Variants in FAM210A observed in about 807,000 individuals in gnomAD.
FAM210A encodes the protein mitochondrial inner membrane scaffold 1.
Under a neutral mutation model 25.3 loss-of-function variants are expected in FAM210A, and 13 were observed. That is an observed-to-expected ratio of 0.51 (90% CI 0.33 to 0.82). FAM210A has a LOEUF of 0.82. Among genes scored for constraint, FAM210A ranks in the 40% least tolerant of loss-of-function variants. FAM210A has a pLI of 0.02. For missense variants in FAM210A, 319 were observed against 323.2 expected (o/e 0.99, Z 0.10); for synonymous variants, 125 against 118.7 (o/e 1.05, Z -0.35).
chr18:13,690,640 T>C (rs545634732), intron 1 of FAM210A, among the ~76,000 whole-genome samples: 20 of 152,274 alleles, frequency 1.3e-4, no homozygotes, highest in East Asian at 3.9e-4. Context: ...CCCAGGCAAA[T>C]AGGGTCTGGA....
chr18:13,704,753 A>G (rs1465272604), intron 1 of FAM210A, among the ~76,000 whole-genome samples: 2 of 152,146 alleles, frequency 1.3e-5, no homozygotes, highest in East Asian at 3.8e-4. Context: ...TATATTCCAA[A>G]ATTGTATTGG....
intron 1 of FAM210A, among the ~76,000 whole-genome samples, chr18:13,713,915 C>T (rs2043840850): frequency 6.6e-6 from 1 of 152,164 alleles, no homozygotes; most frequent in South Asian, 2.1e-4. Flanking sequence ...AAGCATCTCC[C>T]AGTTGCCCAA....
intron 2 of FAM210A, among the ~76,000 whole-genome samples, chr18:13,675,023 C>A (rs1286282801): frequency 7.6e-6 from 1 of 131,424 alleles, no homozygotes. Flanking sequence ...CATTCCTGAG[C>A]CCTGGCTTCT....
rs2043819934 is a variant in FAM210A, at chr18:13,711,379, C to CA, written c.-29+14949dup. Among the ~76,000 whole-genome samples, 5 of 151,686 alleles carry CA rather than the reference C, an allele frequency of 3.3e-5. No individual in the cohort carries two copies. In the South Asian group the frequency reaches 1.1e-3, roughly 32 times the overall value. ...GACAGGCTCAATCTCAAAAATAAAA[C>CA]AAAAACAAACAAAAAACAACCCCCC... On this transcript the variant is annotated intron_variant, in intron 1 of 3. Coordinates refer to ENST00000651643, the MANE Select transcript of FAM210A (RefSeq NM_152352.4).
rs1187410419 is a variant in FAM210A, at chr18:13,692,273, A to C, written c.-28-10168T>G. Among the ~76,000 whole-genome samples the C allele has an allele frequency of 3.3e-5, 5 of 152,086 alleles. 1 individual carries two copies. Among genetic ancestry groups the C allele is most frequent in the South Asian group, 2.1e-4 (1 of 4,820 alleles). ...AGCAAGTCCTTAGAGACCTACAAAG[A>C]GACTTAGACTCCTACACAATAATAA... On this transcript the variant is annotated intron_variant, in intron 1 of 3. Coordinates refer to ENST00000651643, the MANE Select transcript of FAM210A (RefSeq NM_152352.4).
At chr18:13,668,432 C>T (rs193091700) in intron 3 of FAM210A, among the ~76,000 whole-genome samples, 7 of 152,346 alleles carry the variant, frequency 4.6e-5, no homozygotes. Context: ...TTTTCTCTAC[C>T]TATCTCACTC....
intron 1 of FAM210A, among the ~76,000 whole-genome samples, chr18:13,722,212 G>T (rs2043902580): frequency 6.6e-6 from 1 of 151,714 alleles, no homozygotes; most frequent in African/African-American, 2.4e-5. Flanking sequence ...CCCAAGTCAG[G>T]CTGTTCAGAT....
rs1345630904 is a variant in FAM210A at position 13,664,059 on chromosome 18, G to C, written c.*2421C>G. 6.6e-6 allele frequency: 1 copy of C among 152,168 alleles called. No individual in the cohort carries two copies. The highest frequency in any genetic ancestry group is 1.5e-5 in the Non-Finnish European group (1 of 68,022). The allele number at this position is 152,168 out of a possible 1,614,324, so 9.4% of individuals were successfully genotyped here. ...AATACTCCAAACTCAACATATTACA[G>C]GAATCCCTGAAACTTAAGGACTAGG... On this transcript the variant is annotated 3_prime_UTR_variant, in exon 4 of 4. Coordinates refer to ENST00000651643, the MANE Select transcript of FAM210A (RefSeq NM_152352.4).
chr18:13,672,699 TGCCCA>T (rs2043453890), intron 2 of FAM210A, among the ~76,000 whole-genome samples: 1 of 152,208 alleles, frequency 6.6e-6, no homozygotes, highest in Non-Finnish European at 1.5e-5. Flanking sequence ...TGAGCCACAG[TGCCCA>T]GCCAATTACA....
At chr18:13,709,321 C>T (rs1254239325) in intron 1 of FAM210A, among the ~76,000 whole-genome samples, 1 of 152,226 alleles carries the variant, frequency 6.6e-6, no homozygotes, top group East Asian at 1.9e-4. Context: ...GCATCTCTCT[C>T]AGTGTTCTTG....
intron 1 of FAM210A, among the ~76,000 whole-genome samples, chr18:13,709,047 G>C (rs1490062258): frequency 6.6e-6 from 1 of 152,122 alleles, no homozygotes; most frequent in Non-Finnish European, 1.5e-5. Flanking sequence ...TCATATCTCA[G>C]ACTGGCTCTG....
chr18:13,719,726 TAAA>T (rs10617536), intron 1 of FAM210A, among the ~76,000 whole-genome samples: 5 of 150,000 alleles, frequency 3.3e-5, no homozygotes, highest in Non-Finnish European at 3.0e-5. Flanking sequence ...TTACATGAAT[TAAA>T]AAAAAAAAAA....
intron 1 of FAM210A, among the ~76,000 whole-genome samples, chr18:13,695,554 G>A (rs752966600): frequency 3.5e-4 from 53 of 152,164 alleles, no homozygotes; most frequent in Non-Finnish European, 5.7e-4. Context: ...ATGAGTTAAC[G>A]TCCTTTGTAG....
intron 1 of FAM210A, among the ~76,000 whole-genome samples, chr18:13,724,355 C>T (rs2043917976): frequency 6.6e-6 from 1 of 152,194 alleles, no homozygotes; most frequent in Non-Finnish European, 1.5e-5. Flanking sequence ...GATCCCACTA[C>T]TTAACAAGCT....
intron 1 of FAM210A, among the ~76,000 whole-genome samples, chr18:13,687,054 T>C (rs1164344480): frequency 6.6e-6 from 1 of 152,190 alleles, no homozygotes; most frequent in Non-Finnish European, 1.5e-5. Flanking sequence ...CTAAAAACTA[T>C]CATACACCCA....
chr18:13,678,493 T>C (rs1159065971), intron 2 of FAM210A, among the ~76,000 whole-genome samples: 1 of 152,166 alleles, frequency 6.6e-6, no homozygotes, highest in Non-Finnish European at 1.5e-5. Context: ...TTTCTCCATG[T>C]TGGTTAGGCT....
chr18:13,723,399 T>C (rs909840803), intron 1 of FAM210A, among the ~76,000 whole-genome samples: 4 of 152,212 alleles, frequency 2.6e-5, no homozygotes, highest in Non-Finnish European at 2.9e-5. Context: ...AATATCTTCA[T>C]CTACATATAG....
At chr18:13,695,234 G>A (rs1483168770) in intron 1 of FAM210A, among the ~76,000 whole-genome samples, 2 of 152,196 alleles carry the variant, frequency 1.3e-5, no homozygotes, top group African/African-American at 4.8e-5. Flanking sequence ...GAGAGGATGT[G>A]GAGAAATAGG....
chr18:13,667,898 A>C (rs1207995910), intron 3 of FAM210A, among the ~76,000 whole-genome samples: 1 of 152,126 alleles, frequency 6.6e-6, no homozygotes, highest in Non-Finnish European at 1.5e-5. Flanking sequence ...AAGAAGAAAA[A>C]GAAAAGAAAA....
Sources: allele counts gnomAD v4.1 joint callset (sites outside exome capture counted in the v4.1 genomes callset), GRCh38; gene constraint gnomAD v4.1.1; transcripts MANE v1.5; gene names NCBI Gene and HGNC (gene_info 2026-07-23, HGNC 2026-07-21).